TTC23: variants seen among roughly 807,000 people sequenced by gnomAD.
TTC23 encodes the protein tetratricopeptide repeat domain 23.
Under a neutral mutation model 55.1 loss-of-function variants are expected in TTC23, and 58 were observed. The observed-to-expected ratio is 1.05, with a 90% CI of 0.85 to 1.31. The LOEUF (loss-of-function observed/expected upper bound fraction) is 1.31. Ranked by LOEUF, TTC23 falls within the 50% of genes most tolerant of loss-of-function variation. TTC23 has a pLI of 0.00. For missense variants in TTC23, 516 were observed against 534.4 expected, an observed-to-expected ratio of 0.97 and a Z score of 0.34; for synonymous variants, 203 against 199.9, an observed-to-expected ratio of 1.02 and a Z score of -0.13.
At chr15:99,165,734 G>GA (rs5814927) in intron 10 of TTC23, among the ~76,000 whole-genome samples, 122,222 of 152,118 alleles carry the variant, frequency 0.8, 49,382 homozygotes, top group African/African-American at 0.89. Context: ...CCTCATAGCT[G>GA]CCCATGCGAG....
At chr15:99,145,688 G>GTC (rs781828781) in intron 12 of TTC23, among the ~76,000 whole-genome samples, 20 of 152,016 alleles carry the variant, frequency 1.3e-4, no homozygotes, top group African/African-American at 4.8e-4. Flanking sequence ...CTCTGTCTCT[G>GTC]TCTCTCTCTC....
At chr15:99,174,085 C>T (rs1211533777) in intron 10 of TTC23, among the ~76,000 whole-genome samples, 2 of 152,178 alleles carry the variant, frequency 1.3e-5, no homozygotes, top group Admixed American at 1.3e-4. Context: ...CTTACACAGG[C>T]TCCTCCAGAT....
intron 5 of TTC23, among the ~76,000 whole-genome samples, chr15:99,223,866 C>A (rs1334757672): frequency 6.6e-6 from 1 of 152,160 alleles, no homozygotes; most frequent in Admixed American, 6.5e-5. Context: ...GGGTGTCATG[C>A]AGCAACAGAT....
chr15:99,248,441 C>T (rs1167692915), intron 1 of TTC23: 2 of 152,204 alleles, frequency 1.3e-5, no homozygotes, highest in Non-Finnish European at 2.9e-5. Flanking sequence ...CCAACTCTTC[C>T]TCAGGCTGCA....
intron 8 of TTC23, among the ~76,000 whole-genome samples, chr15:99,212,579 T>G (rs2077127293): frequency 6.6e-6 from 1 of 152,006 alleles, no homozygotes; most frequent in African/African-American, 2.4e-5. Context: ...ATGGGAGGCA[T>G]GGAGCATGAG....
At chr15:99,139,737 G>A (rs1555489306) in intron 12 of TTC23, 2 of 1,338,164 alleles carry the variant, frequency 1.5e-6, no homozygotes, top group Middle Eastern at 2.2e-4. Flanking sequence ...TGTGGCCCTT[G>A]TTATAGCCTG....
intron 1 of TTC23, among the ~76,000 whole-genome samples, chr15:99,247,966 A>G (rs1307870460): frequency 1.3e-5 from 2 of 152,228 alleles, no homozygotes; most frequent in Non-Finnish European, 2.9e-5. Context: ...CTATGAAACC[A>G]CAACGCAGTT....
At chr15:99,249,644 T>G (rs2080555791), upstream of TTC23, 1 of 152,114 alleles carries the variant, frequency 6.6e-6, no homozygotes, top group Non-Finnish European at 1.5e-5. Flanking sequence ...GAGAAGAGTA[T>G]TTTGTCGAAG....
intron 3 of TTC23, among the ~76,000 whole-genome samples, chr15:99,236,224 C>T (rs763521008): frequency 3.9e-5 from 6 of 152,080 alleles, no homozygotes; most frequent in Non-Finnish European, 7.4e-5. Flanking sequence ...TATTGTTTTC[C>T]ACAGAGGCTA....
At chr15:99,187,469 C>CCCAAA (rs1596496232) in intron 9 of TTC23, among the ~76,000 whole-genome samples, 1 of 110,648 alleles carries the variant, frequency 9.0e-6, no homozygotes, top group African/African-American at 3.5e-5. Flanking sequence ...AAAAAAAAAA[C>CCCAAA]AAAACAAAAG....
intron 8 of TTC23, among the ~76,000 whole-genome samples, chr15:99,206,693 T>G (rs192164343): frequency 1.4e-4 from 22 of 152,286 alleles, no homozygotes; most frequent in African/African-American, 5.1e-4. Flanking sequence ...CTCATTTGGG[T>G]CTTCTCTCTG....
chr15:99,166,801 T>C (rs2072170301), intron 10 of TTC23, among the ~76,000 whole-genome samples: 1 of 152,186 alleles, frequency 6.6e-6, no homozygotes, highest in Non-Finnish European at 1.5e-5. Context: ...AGACGGATGT[T>C]GTCACATGTA....
At chr15:99,202,540 C>T (rs2076283886) in intron 8 of TTC23, among the ~76,000 whole-genome samples, 1 of 152,146 alleles carries the variant, frequency 6.6e-6, no homozygotes, top group Admixed American at 6.5e-5. Context: ...ATAAAAAATT[C>T]CTTCTTTCCT....
chr15:99,215,689 G>A (rs1488967411), intron 8 of TTC23, among the ~76,000 whole-genome samples: 4 of 152,104 alleles, frequency 2.6e-5, no homozygotes, highest in South Asian at 2.1e-4. Context: ...TGAAGCTGCT[G>A]TGAACCATGA....
chr15:99,167,530 G>A (rs2072293490), intron 10 of TTC23, among the ~76,000 whole-genome samples: 1 of 152,132 alleles, frequency 6.6e-6, no homozygotes, highest in African/African-American at 2.4e-5. Flanking sequence ...CGGTGAGCAG[G>A]GTGGTTTGAT....
intron 10 of TTC23, 92 bp downstream of exon 10, chr15:99,174,958 G>A (rs886890765): frequency 1.1e-4 from 109 of 1,019,494 alleles, no homozygotes; most frequent in Admixed American, 4.9e-4. Context: ...GGCCTGTGTC[G>A]CGGCTCTGTC....
chr15:99,234,719 C>G (rs186256889), intron 4 of TTC23, among the ~76,000 whole-genome samples: 49 of 152,052 alleles, frequency 3.2e-4, no homozygotes, highest in Admixed American at 1.2e-3. Flanking sequence ...AGAAGATATA[C>G]CAAGAACAAA....
chr15:99,194,313 A>C (rs1212681688), intron 9 of TTC23, among the ~76,000 whole-genome samples: 1 of 152,138 alleles, frequency 6.6e-6, no homozygotes, highest in Non-Finnish European at 1.5e-5. Context: ...TGGAAGGAAA[A>C]GAACAAAATT....
At chr15:99,200,833 C>G in intron 8 of TTC23, among the ~76,000 whole-genome samples, 1 of 152,200 alleles carries the variant, frequency 6.6e-6, no homozygotes, top group Non-Finnish European at 1.5e-5. Context: ...AATGCACCAA[C>G]AGGAGACTGT....
Sources: gnomAD v4.1 joint callset for allele counts (sites outside exome capture counted in the v4.1 genomes callset) on GRCh38, gnomAD v4.1.1 for gene constraint, MANE v1.5 for transcripts, NCBI Gene and HGNC (gene_info 2026-07-23, HGNC 2026-07-21) for gene names.